The following ARHGAP26 variants were observed in gnomAD, a reference collection of about 807,000 sequenced individuals.
The protein encoded by ARHGAP26 is Rho GTPase activating protein 26.
Under a neutral mutation model 104.8 loss-of-function variants are expected in ARHGAP26, and 38 were observed. The observed-to-expected ratio is 0.36, with a 90% CI of 0.28 to 0.48. The LOEUF (loss-of-function observed/expected upper bound fraction) is 0.48. ARHGAP26 is among the 20% of genes least tolerant of loss of function. The pLI, the probability that ARHGAP26 is intolerant of heterozygous loss-of-function variation, is 0.99. For missense variants in ARHGAP26, 704 were observed against 947.9 expected (o/e 0.74, Z 3.38); for synonymous variants, 341 against 340.0 (o/e 1.00, Z -0.03).
chr5:142,784,878 T>A (rs930624112), intron 1 of ARHGAP26, among the ~76,000 whole-genome samples: 1 of 151,998 alleles, frequency 6.6e-6, no homozygotes, highest in Non-Finnish European at 1.5e-5. Context: ...TATCTGCCAT[T>A]CTTTCCATCC....
At chr5:143,133,581 T>C (rs970762376) in intron 18 of ARHGAP26, among the ~76,000 whole-genome samples, 4 of 152,168 alleles carry the variant, frequency 2.6e-5, no homozygotes, top group African/African-American at 9.6e-5. Context: ...TGGAGAAAAA[T>C]AAAGGAATTT....
chr5:142,840,665 G>T (rs981238434), intron 1 of ARHGAP26, among the ~76,000 whole-genome samples: 1 of 152,186 alleles, frequency 6.6e-6, no homozygotes. Context: ...TTGGTCAGTA[G>T]AGGCATCAGA....
chr5:142,809,474 C>T (rs1763654718), intron 1 of ARHGAP26, among the ~76,000 whole-genome samples: 1 of 152,120 alleles, frequency 6.6e-6, no homozygotes, highest in Admixed American at 6.6e-5. Context: ...GTTGGGGTGT[C>T]TGAATATGTC....
intron 11 of ARHGAP26, among the ~76,000 whole-genome samples, chr5:142,966,209 G>A (rs570620879): frequency 2.0e-5 from 3 of 152,248 alleles, no homozygotes; most frequent in East Asian, 1.9e-4. Flanking sequence ...CATTTATAAC[G>A]TACTGTAGGA....
intron 11 of ARHGAP26, among the ~76,000 whole-genome samples, chr5:142,950,944 G>C (rs918492851): frequency 7.2e-5 from 11 of 152,010 alleles, no homozygotes; most frequent in African/African-American, 2.2e-4. Flanking sequence ...GTGAGAATAA[G>C]ACCTTTCCCT....
intron 1 of ARHGAP26, among the ~76,000 whole-genome samples, chr5:142,772,234 C>T (rs1372961734): frequency 6.6e-6 from 1 of 152,204 alleles, no homozygotes; most frequent in Non-Finnish European, 1.5e-5. Context: ...AAGTGCCAAT[C>T]TTTTGGGATG....
intron 1 of ARHGAP26, among the ~76,000 whole-genome samples, chr5:142,822,137 T>C (rs921768716): frequency 6.6e-6 from 1 of 152,226 alleles, no homozygotes; most frequent in Non-Finnish European, 1.5e-5. Flanking sequence ...TACTGGTCTC[T>C]CTTCTTCCTC....
In ARHGAP26 at chr5:142,810,429, T is replaced by TATATA. The variant is rs1314339119; in HGVS notation, c.154+39515_154+39516insTATAA. Among the ~76,000 whole-genome samples, 86 of 152,348 alleles carry TATATA rather than the reference T, an allele frequency of 5.6e-4. No individual in the cohort carries two copies. In the East Asian group the frequency reaches 0.012, roughly 21 times the overall value. ...TCAGCCCCAGGTCAAGTCCTGTTGT[T>TATATA]AACTTCATAATATTTTAATGAACAT... On this transcript the variant is annotated intron_variant, in intron 1 of 22. Transcript: ENST00000645722.
intron 1 of ARHGAP26, among the ~76,000 whole-genome samples, chr5:142,837,349 GT>G (rs10708371): frequency 0.06 from 8,897 of 147,110 alleles, 349 homozygotes; most frequent in Middle Eastern, 0.12. Flanking sequence ...GCAAAATTCT[GT>G]TTTTTTTTTT....
At chr5:143,117,228 C>T (rs562061060) in intron 17 of ARHGAP26, among the ~76,000 whole-genome samples, 1 of 152,306 alleles carries the variant, frequency 6.6e-6, no homozygotes, top group Middle Eastern at 3.4e-3. Flanking sequence ...AGCAGGTTCT[C>T]TGTGTTTTAT....
At chr5:143,100,801 C>T (rs983385724) in intron 17 of ARHGAP26, among the ~76,000 whole-genome samples, 6 of 152,144 alleles carry the variant, frequency 3.9e-5, no homozygotes, top group African/African-American at 1.2e-4. Context: ...TTTCTGGACT[C>T]AAATAGAGGC....
chr5:142,903,736 A>G (rs1330335243), intron 8 of ARHGAP26, 67 bp downstream of exon 8: 1 of 1,542,728 alleles, frequency 6.5e-7, no homozygotes, highest in Non-Finnish European at 8.8e-7. Flanking sequence ...TGGAGGATGT[A>G]TTCAGCAGTG....
intron 1 of ARHGAP26, among the ~76,000 whole-genome samples, chr5:142,816,836 A>G (rs1043573751): frequency 7.2e-5 from 11 of 152,280 alleles, no homozygotes; most frequent in African/African-American, 2.6e-4. Flanking sequence ...TAGTGTGATC[A>G]GCACTGTGCT....
chr5:142,777,764 G>A (rs1756639118), intron 1 of ARHGAP26, among the ~76,000 whole-genome samples: 1 of 152,090 alleles, frequency 6.6e-6, no homozygotes, highest in Non-Finnish European at 1.5e-5. Context: ...GGATGTTTGG[G>A]GGCCAGTGGC....
At chr5:142,820,150 A>G (rs1375147311) in intron 1 of ARHGAP26, among the ~76,000 whole-genome samples, 5 of 152,204 alleles carry the variant, frequency 3.3e-5, no homozygotes, top group Non-Finnish European at 5.9e-5. Flanking sequence ...TTTCACATGC[A>G]TTTAGATGAG....
intron 20 of ARHGAP26, among the ~76,000 whole-genome samples, chr5:143,199,589 G>A (rs754808068): frequency 3.9e-5 from 6 of 152,032 alleles, no homozygotes; most frequent in Admixed American, 3.9e-4. Context: ...AATCAAAGCC[G>A]CCCCCTGTTA....
chr5:143,098,079 G>A (rs181531665), intron 17 of ARHGAP26, among the ~76,000 whole-genome samples: 3 of 151,934 alleles, frequency 2.0e-5, no homozygotes, highest in African/African-American at 4.8e-5. Flanking sequence ...TTATAATAGC[G>A]CTGCCTCAAT....
chr5:142,899,298 T>C (rs1759932201), intron 6 of ARHGAP26, among the ~76,000 whole-genome samples: 1 of 152,186 alleles, frequency 6.6e-6, no homozygotes, highest in Non-Finnish European at 1.5e-5. Flanking sequence ...GTAAAGTAGG[T>C]CTGTTCTATG....
chr5:142,798,908 C>G (rs1052673891), intron 1 of ARHGAP26, among the ~76,000 whole-genome samples: 7 of 152,164 alleles, frequency 4.6e-5, no homozygotes, highest in Non-Finnish European at 8.8e-5. Flanking sequence ...GCATGGAGCC[C>G]CTTCATCCAC....
Sources: allele counts gnomAD v4.1 joint callset (sites outside exome capture counted in the v4.1 genomes callset), GRCh38; gene constraint gnomAD v4.1.1; transcripts MANE v1.5; gene names NCBI Gene and HGNC (gene_info 2026-07-23, HGNC 2026-07-21).